The following ZBTB7C variants were observed in gnomAD, a reference collection of about 807,000 sequenced individuals.
ZBTB7C encodes zinc finger and BTB domain containing 7C.
ZBTB7C carries 8 observed loss-of-function variants against 25.7 expected under a neutral mutation model. The ratio of observed to expected loss-of-function variants is 0.31; its 90% confidence interval spans 0.18 to 0.56. ZBTB7C has a LOEUF of 0.56. Among genes scored for constraint, ZBTB7C ranks in the 20% least tolerant of loss-of-function variants. ZBTB7C has a pLI of 0.91. For synonymous variants in ZBTB7C, 394 were observed against 369.0 expected (o/e 1.07, Z -0.78); for missense variants, 824 against 855.2 (o/e 0.96, Z 0.46).
intron 3 of ZBTB7C, among the ~76,000 whole-genome samples, chr18:48,183,515 A>G (rs2041981039): frequency 6.6e-6 from 1 of 152,212 alleles, no homozygotes; most frequent in Admixed American, 6.5e-5. Context: ...AGACTTCGGG[A>G]TTGATTTCTA....
intron 3 of ZBTB7C, among the ~76,000 whole-genome samples, chr18:48,107,778 C>T (rs1352155513): frequency 2.0e-5 from 3 of 152,134 alleles, no homozygotes; most frequent in East Asian, 1.9e-4. Context: ...AGCTCAGGCA[C>T]GAGCTTGTCT....
intron 2 of ZBTB7C, among the ~76,000 whole-genome samples, chr18:48,325,785 T>G (rs1460556732): frequency 2.6e-5 from 4 of 152,168 alleles, no homozygotes; most frequent in Non-Finnish European, 5.9e-5. Flanking sequence ...CTCACCTGCA[T>G]GACAGGTGAA....
At chr18:48,179,437 C>T (rs2041805314) in intron 3 of ZBTB7C, among the ~76,000 whole-genome samples, 1 of 152,124 alleles carries the variant, frequency 6.6e-6, no homozygotes, top group Non-Finnish European at 1.5e-5. Flanking sequence ...GCTTCAGGTG[C>T]TCAAGGAGGC....
intron 1 of ZBTB7C, among the ~76,000 whole-genome samples, chr18:48,364,570 T>C (rs1598962391): frequency 6.6e-6 from 1 of 152,006 alleles, no homozygotes; most frequent in African/African-American, 2.4e-5. Context: ...GTATAGGAGG[T>C]GAGGAAAAAA....
chr18:48,332,097 G>A (rs1234529369), intron 2 of ZBTB7C, among the ~76,000 whole-genome samples: 1 of 152,118 alleles, frequency 6.6e-6, no homozygotes, highest in Non-Finnish European at 1.5e-5. Context: ...TTCTACAGTA[G>A]GTTGGCTTGA....
At chr18:48,094,467 A>T (rs984412967) in intron 3 of ZBTB7C, among the ~76,000 whole-genome samples, 9 of 152,218 alleles carry the variant, frequency 5.9e-5, no homozygotes, top group Non-Finnish European at 8.8e-5. Flanking sequence ...TCAAACAGAC[A>T]TTATACATTT....
intron 3 of ZBTB7C, among the ~76,000 whole-genome samples, chr18:48,123,498 C>T (rs2039697913): frequency 6.6e-6 from 1 of 152,236 alleles, no homozygotes; most frequent in Non-Finnish European, 1.5e-5. Context: ...TGAAGAGGCC[C>T]TTTCAGCCCC....
chr18:48,138,099 G>A (rs1206292359), intron 3 of ZBTB7C, among the ~76,000 whole-genome samples: 4 of 152,228 alleles, frequency 2.6e-5, no homozygotes, highest in African/African-American at 4.8e-5. Flanking sequence ...ATCTTACCCC[G>A]GTGCCATGGA....
intron 2 of ZBTB7C, among the ~76,000 whole-genome samples, chr18:48,306,102 A>G (rs918543663): frequency 6.6e-6 from 1 of 152,192 alleles, no homozygotes; most frequent in Non-Finnish European, 1.5e-5. Flanking sequence ...ACCTGAGCAC[A>G]CTCCCTATGC....
chr18:48,221,325 TCTC>T (rs914403059), intron 2 of ZBTB7C, among the ~76,000 whole-genome samples: 24 of 149,120 alleles, frequency 1.6e-4, no homozygotes, highest in African/African-American at 6.0e-4. Context: ...ACTGTCCTAG[TCTC>T]CTCTATGCTG....
intron 2 of ZBTB7C, among the ~76,000 whole-genome samples, chr18:48,286,233 C>CGTGTGTGTGTGT (rs59121430): frequency 3.4e-5 from 5 of 145,462 alleles, no homozygotes; most frequent in African/African-American, 1.0e-4. Flanking sequence ...AAGAGGTGTG[C>CGTGTGTGTGTGT]GTGTGTGTGT....
chr18:48,255,026 C>T (rs983112267), intron 2 of ZBTB7C, among the ~76,000 whole-genome samples: 23 of 152,222 alleles, frequency 1.5e-4, no homozygotes, highest in African/African-American at 2.2e-4. Context: ...CTAGTCCCAC[C>T]GAACAAATCT....
chr18:48,157,167 G>T (rs982623255), intron 3 of ZBTB7C, among the ~76,000 whole-genome samples: 1 of 152,172 alleles, frequency 6.6e-6, no homozygotes, highest in Non-Finnish European at 1.5e-5. Flanking sequence ...TAACCTGGGG[G>T]TACTCTCTGA....
chr18:48,031,385 C>T lies in ZBTB7C; in HGVS notation c.1209-1474G>A, dbSNP rs796182002. 4.0e-4 allele frequency among the ~76,000 whole-genome samples: 61 copies of T among 152,246 alleles called. 2 individuals are homozygous for T. Among genetic ancestry groups the T allele is most frequent in the African/African-American group, 1.4e-3 (60 of 41,532 alleles). On this transcript the variant is annotated intron_variant, in intron 4 of 4. Coordinates refer to ENST00000590800, the MANE Select transcript of ZBTB7C (RefSeq NM_001318841.2). The stretch of plus-strand genomic sequence containing the variant: ...AAGGGAAGTGGGGTCACCCTCTTCC[C>T]CTCCACATCCCACTGCTCCTGCCTT...
At chr18:48,141,797 A>G (rs1242018366) in intron 3 of ZBTB7C, among the ~76,000 whole-genome samples, 2 of 152,230 alleles carry the variant, frequency 1.3e-5, no homozygotes, top group Non-Finnish European at 2.9e-5. Flanking sequence ...GAGGAGGGAC[A>G]TGCCAAGCCT....
intron 2 of ZBTB7C, among the ~76,000 whole-genome samples, chr18:48,208,278 G>T (rs1456577307): frequency 1.3e-5 from 2 of 152,016 alleles, no homozygotes; most frequent in Non-Finnish European, 2.9e-5. Context: ...AAACAAGAGT[G>T]GTTCCTTTAC....
intron 2 of ZBTB7C, among the ~76,000 whole-genome samples, chr18:48,269,831 G>A (rs979674451): frequency 2.0e-5 from 3 of 152,182 alleles, no homozygotes; most frequent in Admixed American, 2.0e-4. Flanking sequence ...TTCCTTCTGA[G>A]CCTCTTTGTT....
chr18:48,270,311 G>A (rs1444216085), intron 2 of ZBTB7C, among the ~76,000 whole-genome samples: 3 of 135,038 alleles, frequency 2.2e-5, no homozygotes, highest in Admixed American at 1.6e-4. Context: ...AGGCTGGAGT[G>A]CAGTGGTGCG....
At chr18:48,216,015 G>A (rs893972373) in intron 2 of ZBTB7C, among the ~76,000 whole-genome samples, 6 of 152,132 alleles carry the variant, frequency 3.9e-5, no homozygotes, top group African/African-American at 1.4e-4. Flanking sequence ...CTGGTCAGTC[G>A]TGCCTGAATT....
Sources: gnomAD v4.1 joint callset for allele counts (sites outside exome capture counted in the v4.1 genomes callset) on GRCh38, gnomAD v4.1.1 for gene constraint, MANE v1.5 for transcripts, NCBI Gene and HGNC (gene_info 2026-07-23, HGNC 2026-07-21) for gene names.